AKAP13: variants seen among roughly 807,000 people sequenced by gnomAD.
AKAP13 encodes A-kinase anchoring protein 13.
Under a neutral mutation model 264.5 loss-of-function variants are expected in AKAP13, and 80 were observed. The ratio of observed to expected loss-of-function variants is 0.30; its 90% CI spans 0.25 to 0.36. The LOEUF (loss-of-function observed/expected upper bound fraction) is 0.36, where lower values mean the gene tolerates loss of function less well. Ranked by LOEUF, AKAP13 falls within the 10% of genes least tolerant of loss-of-function variation. The probability of loss-of-function intolerance (pLI) is 1.00; values close to 1 mark genes in which losing one functional copy is unlikely to be tolerated. For missense variants in AKAP13, 3,712 were observed against 3,435.2 expected (o/e 1.08, Z -2.01); for synonymous variants, 1,380 against 1,250.2 (o/e 1.10, Z -2.19).
intron 5 of AKAP13, among the ~76,000 whole-genome samples, chr15:85,544,930 A>G (rs1015715181): frequency 6.6e-6 from 1 of 152,256 alleles, no homozygotes; most frequent in Non-Finnish European, 1.5e-5. Context: ...AACTGTGTAT[A>G]TAGTCTGGAA....
chr15:85,659,155 G>A (rs188383398), intron 12 of AKAP13, among the ~76,000 whole-genome samples: 51 of 152,240 alleles, frequency 3.3e-4, no homozygotes, highest in African/African-American at 1.2e-3. Flanking sequence ...TCCTTAATTA[G>A]TATTTGTCAG....
chr15:85,480,225 AC>A (rs1733529294), intron 1 of AKAP13, among the ~76,000 whole-genome samples: 1 of 152,134 alleles, frequency 6.6e-6, no homozygotes, highest in South Asian at 2.1e-4. Context: ...ATTGTAGTTT[AC>A]CCACCAGCGT....
At chr15:85,587,560 T>A (rs1053251378) in intron 8 of AKAP13, among the ~76,000 whole-genome samples, 3 of 152,222 alleles carry the variant, frequency 2.0e-5, no homozygotes, top group Non-Finnish European at 2.9e-5. Flanking sequence ...GGTCATATGG[T>A]AATTTCCATT....
At chr15:85,478,110 G>C (rs185194913) in intron 1 of AKAP13, among the ~76,000 whole-genome samples, 159 of 152,154 alleles carry the variant, frequency 1.0e-3, no homozygotes, top group Middle Eastern at 6.8e-3. Flanking sequence ...TTATTATTGT[G>C]CTCATCATAC....
intron 3 of AKAP13, among the ~76,000 whole-genome samples, chr15:85,527,970 A>G (rs1013268327): frequency 1.3e-5 from 2 of 152,194 alleles, no homozygotes; most frequent in Non-Finnish European, 2.9e-5. Flanking sequence ...TGGCTGGCCC[A>G]GCAAACACTT....
chr15:85,547,364 T>G (rs139476656), intron 5 of AKAP13, among the ~76,000 whole-genome samples: 36 of 149,132 alleles, frequency 2.4e-4, no homozygotes, highest in African/African-American at 8.3e-4. Context: ...CCAAGTTCTT[T>G]TTGTGTTTCT....
intron 2 of AKAP13, among the ~76,000 whole-genome samples, chr15:85,498,362 C>T (rs148423127): frequency 4.5e-4 from 69 of 152,088 alleles, no homozygotes; most frequent in African/African-American, 1.6e-3. Context: ...TAAATACTTG[C>T]GCTGAGAGCT....
At chr15:85,544,892 T>G (rs2077685806) in intron 5 of AKAP13, among the ~76,000 whole-genome samples, 1 of 152,242 alleles carries the variant, frequency 6.6e-6, no homozygotes, top group Non-Finnish European at 1.5e-5. Flanking sequence ...AGATTTAATT[T>G]AGTTGTGCTT....
chr15:85,726,645 A>AT (rs993244182), intron 27 of AKAP13, among the ~76,000 whole-genome samples, 159 bp downstream of exon 27: 1 of 152,206 alleles, frequency 6.6e-6, no homozygotes, highest in Non-Finnish European at 1.5e-5. Context: ...ATTTTCTGGC[A>AT]TCCCCTCTTC....
rs2087521000 is a variant in AKAP13, at chr15:85,724,968, AGC to A, written c.6746-1441_6746-1440del. Among the ~76,000 whole-genome samples the A allele has an allele frequency of 2.0e-5, 3 of 152,168 alleles. No individual in the cohort carries two copies. Among genetic ancestry groups the A allele is most frequent in the Admixed American group, 6.5e-5 (1 of 15,284 alleles). ...TCTTAATATTCCATGATGTTCTGAG[AGC>A]CCTAGCTCTCTTTGAGACTTTTACG... On this transcript the variant is annotated intron_variant, in intron 26 of 36. Transcript: ENST00000394518. The surrounding 1 kb of genome is among the most constrained non-coding windows in gnomAD (Gnocchi z 4.2).
rs1339358078 is a variant in AKAP13, at chr15:85,718,498, G to A, written c.6001+339G>A. Among the ~76,000 whole-genome samples the A allele has an allele frequency of 6.6e-6, 1 of 152,156 alleles. No homozygotes were observed. Among genetic ancestry groups the A allele is most frequent in the African/African-American group, 2.4e-5 (1 of 41,428 alleles). On this transcript the variant is annotated intron_variant, in intron 22 of 36. Transcript: ENST00000394518. The surrounding 1 kb of genome is among the most constrained non-coding windows in gnomAD (Gnocchi z 4.9). ...GAGAACTGGGTATACAGTCAGTTACGACAGGTGCTGAATCCAGTGAAGACC... is the reference window on the plus strand; with the variant it reads ...GAGAACTGGGTATACAGTCAGTTACAACAGGTGCTGAATCCAGTGAAGACC...
chr15:85,622,383 G>C (rs1475849621), intron 8 of AKAP13, among the ~76,000 whole-genome samples: 1 of 152,124 alleles, frequency 6.6e-6, no homozygotes, highest in Non-Finnish European at 1.5e-5. Flanking sequence ...AGTGAATACA[G>C]GGCCCTGAGG....
In AKAP13 at chr15:85,714,983, C is replaced by A. The variant is rs150926245; in HGVS notation, c.5600-805C>A. Among the ~76,000 whole-genome samples, 1,261 of 152,108 alleles carry A rather than the reference C, an allele frequency of 8.3e-3. 19 individuals are homozygous for A. The highest frequency in any genetic ancestry group is 0.029 in the African/African-American group (1,198 of 41,486). ...CTGCATTTCAAAAAAAAAAGAAATT[C>A]TTTCAATCTTATTTGCAGCTTAAAT... is the stretch of plus-strand genomic sequence containing the variant. On this transcript the variant is annotated intron_variant, in intron 19 of 36. Coordinates refer to ENST00000394518, the MANE Select transcript of AKAP13 (RefSeq NM_007200.5).
At chr15:85,680,514 C>A (rs546390045) in intron 14 of AKAP13, among the ~76,000 whole-genome samples, 3 of 152,118 alleles carry the variant, frequency 2.0e-5, no homozygotes, top group African/African-American at 7.2e-5. Flanking sequence ...GGAAGGCAAT[C>A]TTTTGAAGAC....
intron 15 of AKAP13, among the ~76,000 whole-genome samples, chr15:85,682,651 G>A (rs930097391): frequency 3.9e-5 from 6 of 152,088 alleles, no homozygotes; most frequent in Admixed American, 6.5e-5. Flanking sequence ...TAGCTCTGTC[G>A]AAGTAAACGA....
At chr15:85,456,551 T>G (rs1342056596) in intron 1 of AKAP13, among the ~76,000 whole-genome samples, 3 of 30,100 alleles carry the variant, frequency 1.0e-4, no homozygotes, top group Non-Finnish European at 2.0e-4. Context: ...CCACTTTCTG[T>G]TTTTTTTTTT....
At chr15:85,632,371 C>A (rs944679319) in intron 8 of AKAP13, among the ~76,000 whole-genome samples, 1 of 152,116 alleles carries the variant, frequency 6.6e-6, no homozygotes, top group Non-Finnish European at 1.5e-5. Flanking sequence ...GCCTGTGTGA[C>A]CTTTGCCCTT....
intron 12 of AKAP13, among the ~76,000 whole-genome samples, chr15:85,662,636 T>G (rs764262338): frequency 1.3e-5 from 2 of 152,224 alleles, no homozygotes; most frequent in Non-Finnish European, 2.9e-5. Flanking sequence ...GGATGCAGCC[T>G]AAGAGTCGGG....
intron 5 of AKAP13, among the ~76,000 whole-genome samples, chr15:85,566,269 A>G (rs2078602581): frequency 6.6e-6 from 1 of 152,234 alleles, no homozygotes; most frequent in Non-Finnish European, 1.5e-5. Flanking sequence ...ACATAAGATG[A>G]TGGTGCCTTT....
Sources: allele counts gnomAD v4.1 joint callset (sites outside exome capture counted in the v4.1 genomes callset), GRCh38; gene constraint gnomAD v4.1.1; non-coding constraint Gnocchi (gnomAD v3.1); transcripts MANE v1.5; gene names NCBI Gene and HGNC (gene_info 2026-07-23, HGNC 2026-07-21).